NDRG3: variants seen among roughly 807,000 people sequenced by gnomAD.
NDRG3 encodes protein NDRG3.
A neutral mutation model predicts 57.2 loss-of-function variants in NDRG3; 23 were observed. The observed-to-expected ratio is 0.40, with a 90% CI of 0.29 to 0.57. NDRG3 has a LOEUF of 0.57. Ranked by LOEUF, NDRG3 falls within the 20% of genes least tolerant of loss-of-function variation. NDRG3 has a pLI of 0.42. For missense variants in NDRG3, 384 were observed against 457.3 expected, an observed-to-expected ratio of 0.84 and a Z score of 1.46; for synonymous variants, 132 against 162.6, an observed-to-expected ratio of 0.81 and a Z score of 1.43.
At chr20:36,698,976 C>A (rs1020113208) in intron 3 of NDRG3, among the ~76,000 whole-genome samples, 1 of 152,100 alleles carries the variant, frequency 6.6e-6, no homozygotes, top group Non-Finnish European at 1.5e-5. Context: ...GGATCTCATT[C>A]TAGTGCCCAG....
chr20:36,676,963 G>T (rs1980783677), intron 8 of NDRG3, among the ~76,000 whole-genome samples: 1 of 152,254 alleles, frequency 6.6e-6, no homozygotes, highest in East Asian at 1.9e-4. Context: ...CAGGGCTACA[G>T]CCGCCCAAAC....
At chr20:36,705,173 T>A (rs1028327395) in intron 3 of NDRG3, among the ~76,000 whole-genome samples, 1 of 151,552 alleles carries the variant, frequency 6.6e-6, no homozygotes, top group Non-Finnish European at 1.5e-5. Flanking sequence ...TTAAAAAAAA[T>A]TAGCCAGGTG....
chr20:36,656,088 C>G (rs1429135812), intron 15 of NDRG3, among the ~76,000 whole-genome samples: 1 of 140,306 alleles, frequency 7.1e-6, no homozygotes, highest in Non-Finnish European at 1.5e-5. Flanking sequence ...GAGCTGAGAT[C>G]ACACCACTGC....
rs560728328 is a variant in NDRG3 at position 36,699,832 on chromosome 20, T to C, written c.93+7140A>G. On this transcript the variant is annotated intron_variant, in intron 3 of 15. Coordinates refer to ENST00000349004, the MANE Select transcript of NDRG3 (RefSeq NM_032013.4). The stretch of plus-strand genomic sequence containing the variant: ...TAAAAGACAATACTTTAAAAGTAGA[T>C]GAGGGAGGCCGGGCACGGTGGCTCA... 3.3e-5 allele frequency among the ~76,000 whole-genome samples: 5 copies of C among 151,872 alleles called. 1 individual carries two copies. The South Asian group carries it at 8.3e-4, about 25-fold the overall frequency.
intron 3 of NDRG3, among the ~76,000 whole-genome samples, chr20:36,690,088 G>T (rs1040292010): frequency 2.0e-5 from 3 of 152,158 alleles, no homozygotes; most frequent in African/African-American, 7.2e-5. Flanking sequence ...CAACTTGGGA[G>T]ATTTTAGTAG....
rs115184458 is a variant in NDRG3 at position 36,724,817 on chromosome 20, A to G, written c.-48-3034T>C. Among the ~76,000 whole-genome samples, 894 of 151,724 alleles carry G rather than the reference A, an allele frequency of 5.9e-3. 4 individuals are homozygous for G. Among genetic ancestry groups the G allele is most frequent in the African/African-American group, 0.02 (843 of 41,368 alleles). On this transcript the variant is annotated intron_variant, in intron 1 of 15. Transcript: ENST00000349004. ...GTGGCACACGCCTGTAATTCCAGCT[A>G]CTCCAGCAGGCTGAGGCACGAGAAT...
At chr20:36,724,855 G>A (rs1345956791) in intron 1 of NDRG3, among the ~76,000 whole-genome samples, 2 of 152,164 alleles carry the variant, frequency 1.3e-5, no homozygotes, top group African/African-American at 4.8e-5. Context: ...TTTGAACCCA[G>A]GAGGCGGAGG....
rs754156651 is a variant in NDRG3 at position 36,671,379 on chromosome 20, T to G, written c.550A>C (p.Asn184His). ...AASKLSGLTT[N>H]VVDIILAHHF... ...TGAGCCAAAATAATGTCCACAACAT[T>G]GGTTGTCAGGCCAGAGAGCTGAAAA... The change falls in exon 9 of 16, where the codon AAT becomes CAT. Residue 184 changes from asparagine to histidine, a missense_variant. Coordinates refer to ENST00000349004, the MANE Select transcript of NDRG3 (RefSeq NM_032013.4). The G allele has an allele frequency of 6.8e-6, 11 of 1,613,988 alleles. No individual in the cohort carries two copies. The highest frequency in any genetic ancestry group is 9.3e-6 in the Non-Finnish European group (11 of 1,179,870).
intron 1 of NDRG3, among the ~76,000 whole-genome samples, chr20:36,739,231 G>A (rs1240673548): frequency 6.9e-6 from 1 of 144,144 alleles, no homozygotes; most frequent in Non-Finnish European, 1.5e-5. Flanking sequence ...GGCGGATCAC[G>A]AGGTCAGGAG....
chr20:36,666,330 G>A lies in NDRG3; in HGVS notation c.651C>T (p.Ile217=). Residue 217 remains isoleucine (I), a synonymous_variant, in exon 10 of 16, where the codon ATC becomes ATT. Coordinates refer to ENST00000349004, the MANE Select transcript of NDRG3 (RefSeq NM_032013.4). ...AGAAGAGCTGCAGGTTGTCTTGGTT[G>A]ATGTCTTGGGCAATATGCATTCTGT... ...QTYRMHIAQD[I]NQDNLQLFLN... is the part of the protein sequence containing the mutation. 1.2e-6 allele frequency: 2 copies of A among 1,614,148 alleles called. No individual in the cohort carries two copies. Among genetic ancestry groups the A allele is most frequent in the Non-Finnish European group, 1.7e-6 (2 of 1,179,962 alleles).
At chr20:36,733,906 C>G (rs923464801) in intron 1 of NDRG3, among the ~76,000 whole-genome samples, 5 of 152,122 alleles carry the variant, frequency 3.3e-5, no homozygotes, top group African/African-American at 7.2e-5. Flanking sequence ...CTCTTTATAC[C>G]TTTGAACAGT....
At chr20:36,737,003 T>C (rs1985642198) in intron 1 of NDRG3, among the ~76,000 whole-genome samples, 1 of 152,146 alleles carries the variant, frequency 6.6e-6, no homozygotes, top group Non-Finnish European at 1.5e-5. Context: ...CAGCAACCCC[T>C]GCAATAGGCC....
At position 36,723,659 on chromosome 20, in the gene NDRG3, A is replaced by T. The variant is rs946910628; in HGVS notation, c.-48-1876T>A. ...GAAAGCCTTCAAAAGATATTAGTCT[A>T]GTGTGTGTGTGTGTGTGTGTGTGTG... On this transcript the variant is annotated intron_variant, in intron 1 of 15. Transcript: ENST00000349004. 5.3e-5 allele frequency among the ~76,000 whole-genome samples: 7 copies of T among 132,940 alleles called. No individual in the cohort carries two copies. The East Asian group carries it at 1.3e-3, about 25-fold the overall frequency. The allele number at this position is 132,940 out of a possible 152,430, so 87.2% of individuals were successfully genotyped here. A position where few individuals can be genotyped will look rare whatever the true frequency, so the allele number is the denominator to read the frequency against.
intron 1 of NDRG3, among the ~76,000 whole-genome samples, chr20:36,745,520 C>T (rs938460457): frequency 2.6e-5 from 4 of 152,200 alleles, no homozygotes; most frequent in African/African-American, 2.4e-5. Flanking sequence ...TCAGTTTCCT[C>T]GGCTGTTAAG....
chr20:36,667,992 C>T (rs1419673236), intron 9 of NDRG3, among the ~76,000 whole-genome samples: 1 of 152,158 alleles, frequency 6.6e-6, no homozygotes, highest in Non-Finnish European at 1.5e-5. Context: ...GTAATCCCAG[C>T]ACTTTAGGAG....
chr20:36,660,444 T>C, intron 12 of NDRG3, 60 bp from the exon 13 acceptor site: 2 of 1,263,168 alleles, frequency 1.6e-6, no homozygotes, highest in Non-Finnish European at 2.3e-6. Context: ...AAAAACGAAA[T>C]AGCTCGGTAT....
At chr20:36,726,205 G>A (rs998339273) in intron 1 of NDRG3, among the ~76,000 whole-genome samples, 1 of 152,118 alleles carries the variant, frequency 6.6e-6, no homozygotes, top group African/African-American at 2.4e-5. Flanking sequence ...TTACAGGTGT[G>A]AGCCACCATA....
intron 2 of NDRG3, 109 bp from the exon 3 acceptor site, chr20:36,707,116 C>A: frequency 1.0e-6 from 1 of 987,860 alleles, no homozygotes; most frequent in Non-Finnish European, 1.6e-6. Context: ...TCTTGGTTGC[C>A]ATAAAACTGA....
chr20:36,714,404 CAA>C (rs1187671006), intron 2 of NDRG3, among the ~76,000 whole-genome samples: 23 of 64,002 alleles, frequency 3.6e-4, no homozygotes, highest in African/African-American at 6.1e-4. Context: ...GACTCCAACT[CAA>C]AAAAAAAAAA....
Sources: gnomAD v4.1 joint callset for allele counts (sites outside exome capture counted in the v4.1 genomes callset) on GRCh38, gnomAD v4.1.1 for gene constraint, MANE v1.5 for transcripts, NCBI Gene and HGNC (gene_info 2026-07-23, HGNC 2026-07-21) for gene names.